TXNDC9: variants seen among roughly 807,000 people sequenced by gnomAD.
TXNDC9 encodes the protein thioredoxin domain-containing protein 9.
TXNDC9 carries 7 observed loss-of-function variants against 23.0 expected under a neutral mutation model. That is an observed-to-expected ratio of 0.30 (90% CI 0.17 to 0.57). The LOEUF is 0.57. Among genes scored for constraint, TXNDC9 ranks in the 20% least tolerant of loss-of-function variants. The probability of loss-of-function intolerance (pLI) is 0.90; values close to 1 mark genes in which losing one functional copy is unlikely to be tolerated. For missense variants in TXNDC9, 198 were observed against 252.6 expected (o/e 0.78, Z 1.47); for synonymous variants, 72 against 90.6 (o/e 0.79, Z 1.17).
intron 4 of TXNDC9, among the ~76,000 whole-genome samples, chr2:99,320,030 C>T (rs1426046265): frequency 6.6e-6 from 1 of 152,150 alleles, no homozygotes; most frequent in African/African-American, 2.4e-5. Context: ...CTTTTTGAGA[C>T]AGGGTCTCAC....
At chr2:99,327,791 G>GTT (rs370956594) in intron 2 of TXNDC9, 138 bp from the exon 3 acceptor site, 1,080 of 392,582 alleles carry the variant, frequency 2.8e-3, no homozygotes, top group South Asian at 4.5e-3. Context: ...GTTTGTTTTT[G>GTT]TTTTTTTTTT....
chr2:99,307,818 A>G, the TXNDC9 span, among the ~76,000 whole-genome samples: 1 of 146,710 alleles, frequency 6.8e-6, no homozygotes, highest in Non-Finnish European at 1.5e-5. Context: ...ATGCGACGTC[A>G]TATTTGTTAA....
chr2:99,325,619 A>G (rs1351161988), intron 3 of TXNDC9, among the ~76,000 whole-genome samples: 1 of 152,222 alleles, frequency 6.6e-6, no homozygotes, highest in East Asian at 1.9e-4. Flanking sequence ...TGCGTCAGGC[A>G]GTTGCTTTAG....
At chr2:99,315,726 A>G (rs1176561497), downstream of TXNDC9, among the ~76,000 whole-genome samples, 1 of 152,218 alleles carries the variant, frequency 6.6e-6, no homozygotes, top group Non-Finnish European at 1.5e-5. Context: ...ACTTGTCCCA[A>G]AACCATTTGT....
chr2:99,323,117 A>C (rs2105320818), intron 3 of TXNDC9, among the ~76,000 whole-genome samples: 3 of 150,274 alleles, frequency 2.0e-5, no homozygotes, highest in Admixed American at 2.0e-4. Flanking sequence ...CAGAAGTGAG[A>C]TTTTCTTGGC....
intron 3 of TXNDC9, among the ~76,000 whole-genome samples, chr2:99,326,698 G>A (rs2094213397): frequency 6.6e-6 from 1 of 152,136 alleles, no homozygotes; most frequent in Admixed American, 6.5e-5. Context: ...GACCTAGGGT[G>A]GTCTAAGAAA....
At chr2:99,329,857 C>A (rs1190976852) in intron 2 of TXNDC9, among the ~76,000 whole-genome samples, 4 of 151,768 alleles carry the variant, frequency 2.6e-5, no homozygotes, top group Non-Finnish European at 5.9e-5. Flanking sequence ...AATCCCAGCT[C>A]CTCGGGGGCT....
At chr2:99,322,782 G>C in intron 3 of TXNDC9, 1 of 1,289,930 alleles carries the variant, frequency 7.8e-7, no homozygotes, top group Non-Finnish European at 1.0e-6. Flanking sequence ...TTTTTTTGGA[G>C]GTGGCGTATT....
chr2:99,329,707 C>T (rs2094220392), intron 2 of TXNDC9, among the ~76,000 whole-genome samples: 1 of 152,176 alleles, frequency 6.6e-6, no homozygotes, highest in Non-Finnish European at 1.5e-5. Flanking sequence ...GTGGCTCACA[C>T]CTGTAATCTC....
Position 99,336,284 on chromosome 2 carries a change from A to T in TXNDC9, c.-78T>A. ...GAGAAGTGAAAGAGCAGCAGTTTCA[A>T]AAGACACGTCCACTCCGGCTTTTGC... On this transcript the variant is annotated 5_prime_UTR_variant, in exon 1 of 5. The change creates a new upstream start codon in the 5' untranslated region. Coordinates refer to ENST00000264255, the MANE Select transcript of TXNDC9 (RefSeq NM_005783.4). 1.0e-6 allele frequency: 1 copy of T among 985,444 alleles called. No homozygotes were observed. The highest frequency in any genetic ancestry group is 1.2e-6 in the Non-Finnish European group (1 of 829,968). The allele number at this position is 985,444 out of a possible 1,614,324, so 61.0% of individuals were successfully genotyped here.
intron 3 of TXNDC9, among the ~76,000 whole-genome samples, chr2:99,324,113 T>C (rs2094208497): frequency 6.6e-6 from 1 of 152,168 alleles, no homozygotes; most frequent in African/African-American, 2.4e-5. Context: ...CCCAAAGTGC[T>C]GGGATTAGAG....
intron 1 of TXNDC9, among the ~76,000 whole-genome samples, chr2:99,334,278 C>T (rs1220710246): frequency 6.8e-6 from 1 of 147,764 alleles, no homozygotes; most frequent in African/African-American, 2.5e-5. Context: ...ACCTTGAGCC[C>T]AGGAGGCAGA....
the TXNDC9 span, among the ~76,000 whole-genome samples, chr2:99,310,860 T>C: frequency 6.6e-6 from 1 of 152,194 alleles, no homozygotes; most frequent in African/African-American, 2.4e-5. Context: ...CGCAGCCACA[T>C]TTATGAACCA....
intron 4 of TXNDC9, chr2:99,321,482 A>G (rs1026934641): frequency 5.9e-5 from 9 of 152,766 alleles, no homozygotes; most frequent in South Asian, 2.1e-4. Flanking sequence ...ATCAGCCTCT[A>G]TAAGTAAAAC....
chr2:99,312,416 G>T, the TXNDC9 span, among the ~76,000 whole-genome samples: 1 of 150,326 alleles, frequency 6.7e-6, no homozygotes, highest in Non-Finnish European at 1.5e-5. Context: ...ATAATTGCTC[G>T]AACCCGGGAG....
rs1340116649 is a variant in TXNDC9 at position 99,330,164 on chromosome 2, T to TAC, written c.190-2512_190-2511insGT. On this transcript the variant is annotated intron_variant, in intron 2 of 4. Transcript: ENST00000264255. ...AATTAGCCGGGCATGGTGGCAGGCGTCTGTAATCCCAGCTACTTGGGAGGC... is the reference window on the plus strand; with the variant it reads ...AATTAGCCGGGCATGGTGGCAGGCGTACCTGTAATCCCAGCTACTTGGGAGGC... 4.1e-4 allele frequency among the ~76,000 whole-genome samples: 62 copies of TAC among 149,536 alleles called. 1 individual carries two copies. Among genetic ancestry groups the TAC allele is most frequent in the Admixed American group, 3.7e-3 (55 of 15,016 alleles).
chr2:99,334,687 G>A (rs1221388162), intron 1 of TXNDC9, among the ~76,000 whole-genome samples: 2 of 152,182 alleles, frequency 1.3e-5, no homozygotes, highest in African/African-American at 4.8e-5. Context: ...AAGAAATGGA[G>A]TATTTTGTAC....
chr2:99,323,126 G>A (rs886560455), intron 3 of TXNDC9, among the ~76,000 whole-genome samples: 2 of 152,132 alleles, frequency 1.3e-5, no homozygotes, highest in Non-Finnish European at 2.9e-5. Flanking sequence ...GATTTTCTTG[G>A]CCAGGTGCGG....
intron 3 of TXNDC9, among the ~76,000 whole-genome samples, chr2:99,326,293 G>C (rs1369025320): frequency 4.6e-5 from 7 of 152,080 alleles, no homozygotes; most frequent in Non-Finnish European, 1.5e-5. Flanking sequence ...ATTCTTGAAA[G>C]GTGTTAACTA....
Sources: gnomAD v4.1 joint callset for allele counts (sites outside exome capture counted in the v4.1 genomes callset) on GRCh38, gnomAD v4.1.1 for gene constraint, MANE v1.5 for transcripts, NCBI Gene and HGNC (gene_info 2026-07-23, HGNC 2026-07-21) for gene names.